The following ROBO1 variants were observed in gnomAD, a reference collection of about 807,000 sequenced individuals.
The protein encoded by ROBO1 is roundabout homolog 1.
Under a neutral mutation model 195.9 loss-of-function variants are expected in ROBO1, and 149 were observed. That is an observed-to-expected ratio of 0.76 (90% CI 0.67 to 0.87). The LOEUF is 0.87. Ranked by LOEUF, ROBO1 falls within the 40% of genes least tolerant of loss-of-function variation. ROBO1 has a pLI of 0.00. For missense variants in ROBO1, 1,933 were observed against 2,068.3 expected (o/e 0.93, Z 1.27); for synonymous variants, 816 against 733.2 (o/e 1.11, Z -1.82).
intron 1 of ROBO1, among the ~76,000 whole-genome samples, chr3:79,612,298 C>G (rs577747715): frequency 6.8e-6 from 1 of 146,724 alleles, no homozygotes; most frequent in Non-Finnish European, 1.5e-5. Flanking sequence ...TTTGTTCTTG[C>G]GATAGTTTAC....
intron 1 of ROBO1, among the ~76,000 whole-genome samples, chr3:79,742,784 G>T (rs1417926580): frequency 1.3e-5 from 2 of 152,204 alleles, no homozygotes; most frequent in East Asian, 3.9e-4. Flanking sequence ...TATTATTATT[G>T]TGACATTAGC....
chr3:79,253,135 ATCAAT>A (rs1221770788), intron 2 of ROBO1, among the ~76,000 whole-genome samples: 7 of 152,146 alleles, frequency 4.6e-5, no homozygotes, highest in Non-Finnish European at 8.8e-5. Context: ...TTCAATACAA[ATCAAT>A]TATTAGCAGT....
intron 2 of ROBO1, among the ~76,000 whole-genome samples, chr3:79,378,154 A>T (rs940152570): frequency 1.8e-4 from 27 of 146,706 alleles, no homozygotes; most frequent in African/African-American, 3.5e-4. Flanking sequence ...TCTTATGGTC[A>T]CTCTCTCTCT....
intron 1 of ROBO1, among the ~76,000 whole-genome samples, chr3:79,631,001 C>G (rs1328611639): frequency 1.3e-5 from 2 of 151,948 alleles, no homozygotes; most frequent in East Asian, 3.9e-4. Flanking sequence ...AAAACCATCC[C>G]ATGTTTACTG....
At chr3:78,642,204 A>AT (rs1031891966) in intron 21 of ROBO1, among the ~76,000 whole-genome samples, 207 of 152,272 alleles carry the variant, frequency 1.4e-3, no homozygotes, top group African/African-American at 4.6e-3. Flanking sequence ...AAGTGGATAG[A>AT]TTTGCGTCAT....
At chr3:79,677,814 G>C (rs1007375289) in intron 1 of ROBO1, among the ~76,000 whole-genome samples, 3 of 152,080 alleles carry the variant, frequency 2.0e-5, no homozygotes, top group Non-Finnish European at 4.4e-5. Context: ...ATCTCCAGTG[G>C]AGGTGCTAAA....
At chr3:78,639,307 AT>A (rs1705772499) in intron 22 of ROBO1, among the ~76,000 whole-genome samples, 1 of 151,798 alleles carries the variant, frequency 6.6e-6, no homozygotes, top group Non-Finnish European at 1.5e-5. Context: ...AAAAAAATAT[AT>A]AAAAATTAGC....
At chr3:79,717,119 G>A (rs780663008) in intron 1 of ROBO1, among the ~76,000 whole-genome samples, 16 of 151,816 alleles carry the variant, frequency 1.1e-4, no homozygotes, top group African/African-American at 2.4e-4. Context: ...AAAAATTAGT[G>A]TTAGAATTCT....
rs112849040 is a variant in ROBO1, at chr3:79,575,072, G to T, written c.88+14752C>A. Among the ~76,000 whole-genome samples the T allele has an allele frequency of 3.9e-3, 562 of 143,582 alleles. 2 individuals carry two copies. Among genetic ancestry groups the T allele is most frequent in the African/African-American group, 0.014 (538 of 39,104 alleles). The allele number at this position is 143,582 out of a possible 152,430, so 94.2% of individuals were successfully genotyped here. ...CAATCAGCATACATTTTCTGTCTTT[G>T]TGTTTTTAAACAAGGAAATGAAAAC... On this transcript the variant is annotated intron_variant, in intron 2 of 30. Coordinates refer to ENST00000464233, the MANE Select transcript of ROBO1 (RefSeq NM_002941.4).
chr3:79,324,418 T>C (rs778437384), intron 2 of ROBO1, among the ~76,000 whole-genome samples: 13 of 152,122 alleles, frequency 8.5e-5, no homozygotes, highest in Non-Finnish European at 1.6e-4. Context: ...ATAAAATGAC[T>C]GCAGCAAGTG....
intron 8 of ROBO1, among the ~76,000 whole-genome samples, chr3:78,702,217 C>G (rs1481290741): frequency 6.6e-6 from 1 of 152,100 alleles, no homozygotes; most frequent in African/African-American, 2.4e-5. Flanking sequence ...TTCTATTCAG[C>G]CTAATGATTC....
At chr3:78,986,340 T>C (rs1247687158) in intron 3 of ROBO1, among the ~76,000 whole-genome samples, 3 of 152,202 alleles carry the variant, frequency 2.0e-5, no homozygotes, top group African/African-American at 7.2e-5. Flanking sequence ...TCAGCATAGG[T>C]TATAATTCCA....
At chr3:78,916,516 C>A (rs2038601325) in intron 4 of ROBO1, among the ~76,000 whole-genome samples, 1 of 146,164 alleles carries the variant, frequency 6.8e-6, no homozygotes, top group Admixed American at 6.9e-5. Context: ...CATACCACTG[C>A]ACTCCAGCCT....
chr3:79,488,538 T>C (rs903413592), intron 2 of ROBO1, among the ~76,000 whole-genome samples: 1 of 152,164 alleles, frequency 6.6e-6, no homozygotes, highest in African/African-American at 2.4e-5. Context: ...ATAAAACAAC[T>C]GTGACCAATA....
chr3:79,759,074 C>T (rs1199109545), intron 1 of ROBO1, among the ~76,000 whole-genome samples: 1 of 149,764 alleles, frequency 6.7e-6, no homozygotes, highest in Admixed American at 6.7e-5. Flanking sequence ...TAAATTAATA[C>T]CCAATATTTA....
chr3:79,008,852 G>A (rs1437745923), intron 3 of ROBO1, among the ~76,000 whole-genome samples: 1 of 144,610 alleles, frequency 6.9e-6, no homozygotes, highest in Non-Finnish European at 1.5e-5. Context: ...ATCTCCCGAA[G>A]TACTAAGATT....
intron 4 of ROBO1, among the ~76,000 whole-genome samples, chr3:78,833,251 G>T (rs1004097772): frequency 1.3e-5 from 2 of 152,130 alleles, no homozygotes; most frequent in Admixed American, 1.3e-4. Flanking sequence ...CATAAAACTA[G>T]TTCATAAAGT....
chr3:79,173,083 T>C (rs1310421368), intron 2 of ROBO1, among the ~76,000 whole-genome samples: 1 of 152,182 alleles, frequency 6.6e-6, no homozygotes, highest in Non-Finnish European at 1.5e-5. Context: ...AGAAGTGCTT[T>C]ACATGGGTTC....
At chr3:79,106,050 T>C (rs534832831) in intron 3 of ROBO1, among the ~76,000 whole-genome samples, 1 of 151,848 alleles carries the variant, frequency 6.6e-6, no homozygotes, top group Non-Finnish European at 1.5e-5. Flanking sequence ...TTTAGTATGG[T>C]AACAGAATTG....
Sources: allele counts gnomAD v4.1 joint callset (sites outside exome capture counted in the v4.1 genomes callset), GRCh38; gene constraint gnomAD v4.1.1; transcripts MANE v1.5; gene names NCBI Gene and HGNC (gene_info 2026-07-23, HGNC 2026-07-21).